The following MFSD12 variants were observed in gnomAD, a reference collection of about 807,000 sequenced individuals.
MFSD12 encodes the protein major facilitator superfamily domain-containing protein 12.
Under a neutral mutation model 51.2 loss-of-function variants are expected in MFSD12, and 67 were observed. The observed-to-expected ratio is 1.31, with a 90% confidence interval of 1.08 to 1.60. The LOEUF is 1.60. Among genes scored for constraint, MFSD12 ranks in the 40% most tolerant of loss-of-function variants. The pLI, the probability that MFSD12 is intolerant of heterozygous loss-of-function variation, is 0.00. For missense variants in MFSD12, 921 were observed against 673.0 expected, an observed-to-expected ratio of 1.37 and a Z score of -4.08; for synonymous variants, 441 against 316.7, an observed-to-expected ratio of 1.39 and a Z score of -4.17.
At chr19:3,552,015 G>A (rs1047729937) in intron 1 of MFSD12, among the ~76,000 whole-genome samples, 3 of 151,992 alleles carry the variant, frequency 2.0e-5, no homozygotes, top group Non-Finnish European at 2.9e-5. Context: ...TCACCTCCTC[G>A]AACACCTCTC....
rs1164337597 is a variant in MFSD12, at chr19:3,551,973, G to C, written c.299-779C>G. Among the ~76,000 whole-genome samples, 1 of 152,108 alleles carries C rather than the reference G, an allele frequency of 6.6e-6. No individual in the cohort carries two copies. The highest frequency in any genetic ancestry group is 2.1e-4 in the South Asian group (1 of 4,818). On this transcript the variant is annotated intron_variant, in intron 1 of 9. Coordinates refer to ENST00000355415, the MANE Select transcript of MFSD12 (RefSeq NM_174983.5). This position sits in a 1 kb window ranked among gnomAD's most constrained non-coding sequence, Gnocchi z 4.6. ...TCTCTCTCACATCTTAGCAAGACTG[G>C]CTCCTTTTCACCTCTGGGCTCAACG...
At chr19:3,546,519 A>C in intron 6 of MFSD12, 94 bp from the exon 7 acceptor site, 12 of 1,410,100 alleles carry the variant, frequency 8.5e-6, no homozygotes, top group African/African-American at 1.4e-5. Flanking sequence ...CCCAGCAAAC[A>C]AGGCATGAGC....
rs1246862448 is a variant in MFSD12 at position 3,546,248 on chromosome 19, G to A, written c.1194+7C>T. The A allele has an allele frequency of 1.3e-5, 21 of 1,609,148 alleles. No homozygotes were observed. In the South Asian group the frequency reaches 1.9e-4, roughly 14 times the overall value. ...CTCCCCCACCCCAGCCTGGCTACCAGCCCTACCGTGTGGGGACCGATGAGG... is the reference window on the plus strand; with the variant it reads ...CTCCCCCACCCCAGCCTGGCTACCAACCCTACCGTGTGGGGACCGATGAGG... On this transcript the variant is annotated splice_region_variant and intron_variant, in intron 7 of 9. Transcript: ENST00000355415.
At position 3,551,218 on chromosome 19, in the gene MFSD12, C is replaced by T. The variant is rs1207946126; in HGVS notation, c.299-24G>A. On this transcript the variant is annotated intron_variant, in intron 1 of 9. Coordinates refer to ENST00000355415, the MANE Select transcript of MFSD12 (RefSeq NM_174983.5). The surrounding 1 kb of genome is among the most constrained non-coding windows in gnomAD (Gnocchi z 4.6). ...GCCTGTGGAAGGCAGAGTGGTCAGTCGCGGGGCTGTCCCGCACCAGCCAGG... is the reference window on the plus strand; with the variant it reads ...GCCTGTGGAAGGCAGAGTGGTCAGTTGCGGGGCTGTCCCGCACCAGCCAGG... The T allele has an allele frequency of 9.6e-6, 15 of 1,559,360 alleles. No individual in the cohort carries two copies. Among genetic ancestry groups the T allele is most frequent in the East Asian group, 4.7e-5 (2 of 42,974 alleles).
Position 3,544,911 on chromosome 19 carries a change from T to G in MFSD12, c.1318A>C (p.Ser440Arg). The change falls in exon 9 of 10, where the codon AGC becomes CGC. Residue 440 changes from serine to arginine, a missense_variant. Physicochemically the swap from Ser to Arg is moderately radical, Grantham distance 110. Transcript: ENST00000355415. ...PSELCCRACVSFYHWAMVAVT... is the reference protein window; with the variant it reads ...PSELCCRACVRFYHWAMVAVT... ...GCCACCATCGCCCAGTGGTAAAAGCTCACGCAGGCCCTGCAGCAGAGCTCT... is the reference window on the plus strand; with the variant it reads ...GCCACCATCGCCCAGTGGTAAAAGCGCACGCAGGCCCTGCAGCAGAGCTCT... 1 of 1,610,894 alleles carries G rather than the reference T, an allele frequency of 6.2e-7. No homozygotes were observed. Among genetic ancestry groups the G allele is most frequent in the Non-Finnish European group, 8.5e-7 (1 of 1,179,320 alleles).
Position 3,551,813 on chromosome 19 carries a change from G to C in MFSD12, c.299-619C>G, listed in dbSNP as rs188973766. Among the ~76,000 whole-genome samples the C allele has an allele frequency of 2.6e-5, 4 of 152,202 alleles. No homozygotes were observed. In the East Asian group the frequency reaches 7.7e-4, roughly 29 times the overall value. ...TTGCGACCTGCCCTGTCCCCTCCGTGCCCTGCCCTGCCCTTCCCTCTCTCC... is the reference window on the plus strand; with the variant it reads ...TTGCGACCTGCCCTGTCCCCTCCGTCCCCTGCCCTGCCCTTCCCTCTCTCC... On this transcript the variant is annotated intron_variant, in intron 1 of 9. Coordinates refer to ENST00000355415, the MANE Select transcript of MFSD12 (RefSeq NM_174983.5). The surrounding 1 kb of genome is among the most constrained non-coding windows in gnomAD (Gnocchi z 4.6).
At chr19:3,544,114 C>A (rs577880702), downstream of MFSD12, 1 of 1,419,354 alleles carries the variant, frequency 7.0e-7, no homozygotes, top group South Asian at 1.6e-5. Flanking sequence ...ACACTGGGCT[C>A]GCTGGCCGCC....
At chr19:3,539,393 G>A (rs565051390), downstream of MFSD12, 13 of 623,096 alleles carry the variant, frequency 2.1e-5, no homozygotes, top group East Asian at 1.9e-4. Context: ...TGTGTGTGAC[G>A]TCCCCTCCAG....
At chr19:3,543,647 T>G (rs761247301), downstream of MFSD12, 2 of 1,543,704 alleles carry the variant, frequency 1.3e-6, no homozygotes, top group Admixed American at 2.0e-5. Context: ...GAGCGCGCTG[T>G]GGAAAGACAG....
At chr19:3,549,638 G>A (rs564870450) in intron 2 of MFSD12, among the ~76,000 whole-genome samples, 119 of 150,568 alleles carry the variant, frequency 7.9e-4, no homozygotes, top group African/African-American at 2.8e-3. Flanking sequence ...CAGGAGAACC[G>A]CTTGAACCCA....
At chr19:3,550,068 G>A (rs1337869783) in intron 2 of MFSD12, among the ~76,000 whole-genome samples, 2 of 152,130 alleles carry the variant, frequency 1.3e-5, no homozygotes, top group Non-Finnish European at 2.9e-5. Context: ...GATCTCCACA[G>A]GTGCAAGACT....
chr19:3,543,476 G>C, downstream of MFSD12: 1 of 1,524,820 alleles, frequency 6.6e-7, no homozygotes, highest in Non-Finnish European at 8.8e-7. Context: ...GCCATCGGGT[G>C]AGTGCCCCCC....
rs959017540 is a variant in MFSD12 at position 3,544,431 on chromosome 19, T to G, written c.*279A>C. ...CCCCAGACCCTTCTGGGATTCCTAC[T>G]TCCTGTTCCCTGCCGAGAGGGGCAC... On this transcript the variant is annotated 3_prime_UTR_variant, in exon 10 of 10. Coordinates refer to ENST00000355415, the MANE Select transcript of MFSD12 (RefSeq NM_174983.5). 302 of 1,334,584 alleles carry G rather than the reference T, an allele frequency of 2.3e-4. No individual in the cohort carries two copies. The highest frequency in any genetic ancestry group is 1.1e-3 in the Middle Eastern group (4 of 3,566). 82.7% of individuals were successfully genotyped at this position (1,334,584 alleles called of 1,614,324 possible). A position where few individuals can be genotyped will look rare whatever the true frequency, so the allele number is the denominator to read the frequency against.
rs904549587 is a variant in MFSD12 at position 3,549,238 on chromosome 19, T to C, written c.510-971A>G. ...GGGCACCCGCTGTACCCAGGTGTAA[T>C]AGAAAGAATTCTAAGGCAGCCCCAG... On this transcript the variant is annotated intron_variant, in intron 2 of 9. Coordinates refer to ENST00000355415, the MANE Select transcript of MFSD12 (RefSeq NM_174983.5). 5.3e-5 allele frequency among the ~76,000 whole-genome samples: 8 copies of C among 152,256 alleles called. No individual in the cohort carries two copies. The South Asian group carries it at 8.3e-4, about 16-fold the overall frequency.
chr19:3,548,316 C>T, intron 2 of MFSD12, 49 bp from the exon 3 acceptor site: 2 of 1,536,294 alleles, frequency 1.3e-6, no homozygotes, highest in African/African-American at 1.4e-5. Flanking sequence ...GAACCTGGGT[C>T]ACTTCCTCCC....
At chr19:3,544,069 A>T, downstream of MFSD12, 1 of 1,467,600 alleles carries the variant, frequency 6.8e-7, no homozygotes, top group Non-Finnish European at 9.1e-7. Flanking sequence ...GCACTAACCT[A>T]GTCCCAGGGG....
chr19:3,553,297 G>C (rs1343425733), intron 1 of MFSD12, among the ~76,000 whole-genome samples: 1 of 151,984 alleles, frequency 6.6e-6, no homozygotes, highest in Non-Finnish European at 1.5e-5. Context: ...TGCCTCTCTA[G>C]GCCTCAGTTT....
At chr19:3,543,782 A>C (rs2030673386), downstream of MFSD12, 1 of 1,492,150 alleles carries the variant, frequency 6.7e-7, no homozygotes, top group South Asian at 1.3e-5. Context: ...CTTGCTGGCC[A>C]ACGGCGAGGA....
In MFSD12 at chr19:3,544,817, A is replaced by G; in HGVS notation, c.1412T>C (p.Leu471Pro). The change falls in exon 9 of 10, where the codon CTG becomes CCG. Residue 471 changes from leucine to proline, a missense_variant. Transcript: ENST00000355415. ...LCSLLLWPTR[L>P]RRWDRDARP Reference sequence around the variant, plus strand: ...GGTGGGCCAGGACTCACAGCGTCGCAGGCGGGTCGGCCACAGCAGGAGGCT... The same window carrying G: ...GGTGGGCCAGGACTCACAGCGTCGCGGGCGGGTCGGCCACAGCAGGAGGCT... 1.2e-6 allele frequency: 2 copies of G among 1,612,388 alleles called. No homozygotes were observed. Among genetic ancestry groups the G allele is most frequent in the South Asian group, 1.1e-5 (1 of 90,992 alleles).
Sources: allele counts gnomAD v4.1 joint callset (sites outside exome capture counted in the v4.1 genomes callset), GRCh38; gene constraint gnomAD v4.1.1; non-coding constraint Gnocchi (gnomAD v3.1); transcripts MANE v1.5; gene names NCBI Gene and HGNC (gene_info 2026-07-23, HGNC 2026-07-21).